The following ADARB2 variants were observed in gnomAD, a reference collection of about 807,000 sequenced individuals.
ADARB2 encodes inactive double-stranded RNA-specific editase B2.
Under a neutral mutation model 62.2 loss-of-function variants are expected in ADARB2, and 25 were observed. That is an observed-to-expected ratio of 0.40 (90% CI 0.29 to 0.56). The LOEUF is 0.56. Ranked by LOEUF, ADARB2 falls within the 20% of genes least tolerant of loss-of-function variation. The pLI is 0.43. For missense variants in ADARB2, 1,071 were observed against 1,077.4 expected (o/e 0.99, Z 0.08); for synonymous variants, 572 against 500.8 (o/e 1.14, Z -1.90).
At chr10:1,587,451 GGGTGTATGATCAT>G (rs1348775812) in intron 1 of ADARB2, among the ~76,000 whole-genome samples, 10 of 152,140 alleles carry the variant, frequency 6.6e-5, no homozygotes, top group African/African-American at 2.4e-4. Flanking sequence ...TCCTTCAGCA[GGGTGTATGATCAT>G]GGTGTAGGTT....
chr10:1,669,945 G>C (rs1834362733), intron 1 of ADARB2, among the ~76,000 whole-genome samples: 1 of 151,814 alleles, frequency 6.6e-6, no homozygotes, highest in Non-Finnish European at 1.5e-5. Flanking sequence ...AACACACACA[G>C]ACACATGCAG....
chr10:1,687,833 G>A (rs1442295362), intron 1 of ADARB2, among the ~76,000 whole-genome samples: 2 of 152,124 alleles, frequency 1.3e-5, no homozygotes, highest in Non-Finnish European at 2.9e-5. Flanking sequence ...CACCCACCAT[G>A]TGCCTCCACT....
chr10:1,678,285 G>A (rs1380150292), intron 1 of ADARB2: 8 of 984,726 alleles, frequency 8.1e-6, no homozygotes, highest in Non-Finnish European at 9.6e-6. Context: ...CGGGGTGAGC[G>A]TCCTCGGGGT....
rs11817726 is a variant in ADARB2, at chr10:1,652,262, G to A, written c.100+84789C>T. On this transcript the variant is annotated intron_variant, in intron 1 of 9. Transcript: ENST00000381312. Reference sequence around the variant, plus strand: ...CTGCCCAGTCTCAGCTTTTAACTGGGGCATCTGTTCTGCAAATGCTCCTGA... The same window carrying A: ...CTGCCCAGTCTCAGCTTTTAACTGGAGCATCTGTTCTGCAAATGCTCCTGA... 5.2e-3 allele frequency among the ~76,000 whole-genome samples: 787 copies of A among 152,296 alleles called. 6 individuals carry two copies. Among genetic ancestry groups the A allele is most frequent in the African/African-American group, 0.018 (764 of 41,560 alleles).
chr10:1,667,849 A>C (rs1399711491), intron 1 of ADARB2, among the ~76,000 whole-genome samples: 1 of 152,244 alleles, frequency 6.6e-6, no homozygotes, highest in Non-Finnish European at 1.5e-5. Flanking sequence ...CTATCTTTCA[A>C]GTTTAATAAC....
chr10:1,633,728 T>G (rs1469075817), intron 1 of ADARB2, among the ~76,000 whole-genome samples: 1 of 152,190 alleles, frequency 6.6e-6, no homozygotes, highest in Non-Finnish European at 1.5e-5. Context: ...TTCCAAAATA[T>G]TTTCACATGA....
rs111772517 is a variant in ADARB2, at chr10:1,506,696, G to T, written c.101-127536C>A. Among the ~76,000 whole-genome samples, 1,361 of 152,324 alleles carry T rather than the reference G, an allele frequency of 8.9e-3. 17 individuals carry two copies. The highest frequency in any genetic ancestry group is 0.031 in the African/African-American group (1,277 of 41,570). Reference sequence around the variant, plus strand: ...ATCTCGTAAAAGAGGAAAATTAAATGTAGGGGAGAAACTTGCTATAAGTAC... The same window carrying T: ...ATCTCGTAAAAGAGGAAAATTAAATTTAGGGGAGAAACTTGCTATAAGTAC... On this transcript the variant is annotated intron_variant, in intron 1 of 9. Coordinates refer to ENST00000381312, the MANE Select transcript of ADARB2 (RefSeq NM_018702.4).
chr10:1,709,969 C>G (rs965984487), intron 1 of ADARB2, among the ~76,000 whole-genome samples: 2 of 152,192 alleles, frequency 1.3e-5, no homozygotes, highest in Non-Finnish European at 2.9e-5. Flanking sequence ...GCTGCTATTT[C>G]CTTCCTGGTC....
intron 1 of ADARB2, among the ~76,000 whole-genome samples, chr10:1,468,530 G>A (rs1194488868): frequency 3.3e-5 from 5 of 152,206 alleles, no homozygotes. Context: ...TGTTATTCTG[G>A]CATCGGAATC....
Position 1,627,282 on chromosome 10 carries a change from C to T in ADARB2, c.100+109769G>A, listed in dbSNP as rs190327485. ...CAACTGAAGATTAGACTCCTGATCA[C>T]GGACACTTGACTCCATTCGGAGAGC... On this transcript the variant is annotated intron_variant, in intron 1 of 9. Coordinates refer to ENST00000381312, the MANE Select transcript of ADARB2 (RefSeq NM_018702.4). Among the ~76,000 whole-genome samples the T allele has an allele frequency of 4.4e-3, 672 of 152,284 alleles. 5 individuals carry two copies. The highest frequency in any genetic ancestry group is 0.015 in the African/African-American group (617 of 41,564).
chr10:1,636,953 C>T (rs1314878504), intron 1 of ADARB2, among the ~76,000 whole-genome samples: 1 of 150,658 alleles, frequency 6.6e-6, no homozygotes, highest in Non-Finnish European at 1.5e-5. Flanking sequence ...AAATTTCCAA[C>T]CAACACTTTT....
chr10:1,554,716 C>T (rs1832676014), intron 1 of ADARB2, among the ~76,000 whole-genome samples: 1 of 152,194 alleles, frequency 6.6e-6, no homozygotes, highest in South Asian at 2.1e-4. Flanking sequence ...GCTTTGTTTA[C>T]ACTACTAAAA....
chr10:1,218,445 T>C (rs1445434310), intron 6 of ADARB2, among the ~76,000 whole-genome samples: 1 of 152,246 alleles, frequency 6.6e-6, no homozygotes, highest in African/African-American at 2.4e-5. Context: ...AGTGATTATA[T>C]CATTTACATA....
intron 1 of ADARB2, among the ~76,000 whole-genome samples, chr10:1,549,684 G>A (rs914308382): frequency 6.6e-6 from 1 of 152,136 alleles, no homozygotes; most frequent in African/African-American, 2.4e-5. Flanking sequence ...TTGTCACAGA[G>A]TTGGCCAAAC....
chr10:1,387,264 T>C (rs1159265127), intron 1 of ADARB2, among the ~76,000 whole-genome samples: 1 of 151,508 alleles, frequency 6.6e-6, no homozygotes, highest in African/African-American at 2.4e-5. Context: ...CTAAAATTAA[T>C]AGTAGGAGTC....
intron 3 of ADARB2, among the ~76,000 whole-genome samples, chr10:1,281,754 C>T (rs148072875): frequency 6.6e-6 from 1 of 152,330 alleles, no homozygotes; most frequent in Non-Finnish European, 1.5e-5. Context: ...CAGGAAACTT[C>T]CATGAGAACT....
At chr10:1,567,351 G>A (rs946212703) in intron 1 of ADARB2, among the ~76,000 whole-genome samples, 2 of 152,226 alleles carry the variant, frequency 1.3e-5, no homozygotes, top group African/African-American at 4.8e-5. Flanking sequence ...TCGCAGGCGT[G>A]AACCCAGTGC....
At chr10:1,249,511 A>G (rs189519804) in intron 4 of ADARB2, among the ~76,000 whole-genome samples, 22 of 152,176 alleles carry the variant, frequency 1.4e-4, no homozygotes, top group South Asian at 1.0e-3. Context: ...CTGATAAGGC[A>G]TCTGACAAAA....
At chr10:1,289,173 T>C (rs1831441128) in intron 3 of ADARB2, among the ~76,000 whole-genome samples, 1 of 152,230 alleles carries the variant, frequency 6.6e-6, no homozygotes, top group Non-Finnish European at 1.5e-5. Flanking sequence ...TCCTTTCTAC[T>C]GATCATAACT....
Sources: allele counts gnomAD v4.1 joint callset (sites outside exome capture counted in the v4.1 genomes callset), GRCh38; gene constraint gnomAD v4.1.1; transcripts MANE v1.5; gene names NCBI Gene and HGNC (gene_info 2026-07-23, HGNC 2026-07-21).